AKNA: variants seen among roughly 807,000 people sequenced by gnomAD.
The protein encoded by AKNA is AT-hook transcription factor, also known as microtubule organization protein AKNA.
Under a neutral mutation model 138.8 loss-of-function variants are expected in AKNA, and 67 were observed. The ratio of observed to expected loss-of-function variants is 0.48; its 90% CI spans 0.40 to 0.59. AKNA has a LOEUF of 0.59. Ranked by LOEUF, AKNA falls within the 20% of genes least tolerant of loss-of-function variation. AKNA has a pLI of 0.00. For synonymous variants in AKNA, 737 were observed against 754.4 expected, an observed-to-expected ratio of 0.98 and a Z score of 0.38; for missense variants, 1,813 against 1,880.4, an observed-to-expected ratio of 0.96 and a Z score of 0.66.
chr9:114,332,265 C>T (rs943098398), downstream of AKNA, among the ~76,000 whole-genome samples: 3 of 152,066 alleles, frequency 2.0e-5, no homozygotes, highest in African/African-American at 7.3e-5. Context: ...CAGGCTTTCA[C>T]CCCACCTCCA....
At chr9:114,392,754 A>G (rs938466000), upstream of AKNA, among the ~76,000 whole-genome samples, 3 of 152,186 alleles carry the variant, frequency 2.0e-5, no homozygotes, top group African/African-American at 7.2e-5. Context: ...ACAAAAAGGG[A>G]GAAGCAGTTT....
In AKNA at chr9:114,347,870, C is replaced by T. The variant is rs1220126378; in HGVS notation, c.3252G>A (p.Val1084=). 1.9e-6 allele frequency: 3 copies of T among 1,551,560 alleles called. No homozygotes were observed. Among genetic ancestry groups the T allele is most frequent in the Non-Finnish European group, 2.6e-6 (3 of 1,147,348 alleles). Residue 1084 remains valine, a synonymous_variant, in exon 16 of 22, where the codon GTG becomes GTA. Transcript: ENST00000374088. Reference sequence around the variant, plus strand: ...CTTCCAGCCGCAGACGAAGCCGGGACACCTCTTCTTGCAGCTCACAGATGG... The same window carrying T: ...CTTCCAGCCGCAGACGAAGCCGGGATACCTCTTCTTGCAGCTCACAGATGG... ...DQAICELQEE[V]SRLRLRLEDS... is the part of the protein sequence containing the mutation.
intron 8 of AKNA, among the ~76,000 whole-genome samples, 170 bp from the exon 9 acceptor site, chr9:114,362,081 C>T (rs967410357): frequency 1.3e-5 from 2 of 152,130 alleles, no homozygotes; most frequent in African/African-American, 2.4e-5. Flanking sequence ...AAAGAAGGTT[C>T]CATTGGGAAT....
Position 114,336,821 on chromosome 9 carries a change from C to T in AKNA, c.*233G>A. On this transcript the variant is annotated 3_prime_UTR_variant, in exon 22 of 22. Coordinates refer to ENST00000374088, the MANE Select transcript of AKNA (RefSeq NM_001317950.2). ...GGACCGAAGGAGGCCTCGCTCACAGCACCTCTGTGAGGGGACTGGTGCTCC... is the reference window on the plus strand; with the variant it reads ...GGACCGAAGGAGGCCTCGCTCACAGTACCTCTGTGAGGGGACTGGTGCTCC... 2.2e-6 allele frequency: 1 copy of T among 456,194 alleles called. No homozygotes were observed. 28.3% of individuals were successfully genotyped at this position (456,194 alleles called of 1,614,324 possible).
At position 114,381,413 on chromosome 9, in the gene AKNA, G is replaced by T; in HGVS notation, c.-80C>A. The T allele has an allele frequency of 1.3e-5, 19 of 1,446,518 alleles. No homozygotes were observed. The highest frequency in any genetic ancestry group is 1.5e-5 in the Non-Finnish European group (17 of 1,103,536). 89.6% of individuals were successfully genotyped at this position (1,446,518 alleles called of 1,614,324 possible). ...TGCCAGGGGCCCCAGAGTCACCGCT[G>T]GTTCCTGTCAGCATCGGCCATCCTG... On this transcript the variant is annotated 5_prime_UTR_variant, in exon 2 of 22. Coordinates refer to ENST00000374088, the MANE Select transcript of AKNA (RefSeq NM_001317950.2).
chr9:114,397,870 AG>A (rs1834580769), upstream of AKNA, among the ~76,000 whole-genome samples: 1 of 152,168 alleles, frequency 6.6e-6, no homozygotes, highest in Non-Finnish European at 1.5e-5. Context: ...CGCGACAAAA[AG>A]AGGAAAAGAA....
At chr9:114,346,865 G>A in intron 16 of AKNA, 81 bp from the exon 17 acceptor site, 2 of 1,163,690 alleles carry the variant, frequency 1.7e-6, no homozygotes, top group Non-Finnish European at 2.5e-6. Flanking sequence ...AGTTCAACCT[G>A]GAGAAATGCT....
intron 18 of AKNA, 133 bp from the exon 19 acceptor site, chr9:114,343,936 C>T (rs763759994): frequency 1.6e-5 from 12 of 762,684 alleles, no homozygotes; most frequent in Middle Eastern, 2.4e-4. Flanking sequence ...CGTGTGCACA[C>T]GGTGAGTGTG....
At chr9:114,344,776 TATC>T (rs1830570744) in intron 18 of AKNA, 1 of 158,100 alleles carries the variant, frequency 6.3e-6, no homozygotes, top group South Asian at 1.8e-4. Context: ...CATCCAATGA[TATC>T]ATCTCTTTCC....
intron 4 of AKNA, among the ~76,000 whole-genome samples, chr9:114,369,668 GCATCACCATCAGCATCACCATCAGCAT>G (rs956996518): frequency 4.2e-4 from 54 of 129,570 alleles, no homozygotes; most frequent in African/African-American, 2.5e-3. Flanking sequence ...ACCATCATTA[GCATCACCATCAGCATCACCATCAGCAT>G]CATCACCATC....
chr9:114,358,206 G>A (rs1305605961), intron 11 of AKNA, 39 bp from the exon 12 acceptor site: 5 of 1,611,306 alleles, frequency 3.1e-6, no homozygotes, highest in African/African-American at 1.3e-5. Flanking sequence ...AGTTCTGCCA[G>A]GCAGCCCTGA....
upstream of AKNA, chr9:114,396,943 A>G (rs12340861): frequency 0.21 from 32,333 of 152,068 alleles, 3,649 homozygotes; most frequent in Middle Eastern, 0.3. Context: ...CATGTTGTGC[A>G]CCAATTTCCA....
chr9:114,356,367 G>T (rs1831505322), intron 13 of AKNA, among the ~76,000 whole-genome samples: 1 of 152,178 alleles, frequency 6.6e-6, no homozygotes, highest in Non-Finnish European at 1.5e-5. Flanking sequence ...TTTATGTGTA[G>T]AATACATAAA....
Position 114,335,027 on chromosome 9 carries a change from T to C in AKNA, c.*2027A>G, listed in dbSNP as rs1342372628. On this transcript the variant is annotated 3_prime_UTR_variant, in exon 22 of 22. Coordinates refer to ENST00000374088, the MANE Select transcript of AKNA (RefSeq NM_001317950.2). ...GAAGGCTCAGAACCTACAGGAAGTT[T>C]GTCCATTTCAGTGTTACTTTCAGTG... 1.3e-5 allele frequency: 2 copies of C among 152,252 alleles called. No individual in the cohort carries two copies. Among genetic ancestry groups the C allele is most frequent in the Non-Finnish European group, 2.9e-5 (2 of 68,054 alleles). The allele number at this position is 152,252 out of a possible 1,614,324, so 9.4% of individuals were successfully genotyped here.
Position 114,368,503 on chromosome 9 carries a change from TG to T in AKNA, c.1508del (p.Pro503HisfsTer31). 1 of 1,370,210 alleles carries T rather than the reference TG, an allele frequency of 7.3e-7. No individual in the cohort carries two copies. The allele number at this position is 1,370,210 out of a possible 1,614,324, so 84.9% of individuals were successfully genotyped here. A position where few individuals can be genotyped will look rare whatever the true frequency, so the allele number is the denominator to read the frequency against. ...QGTKVLSFTI[P>X]QPRSAEWWPG... ...GCCACCACTCTGCAGAGCGGGGCTG[TG>T]GGATGGTGAAGGACAAGACCTTGGT... On this transcript the variant is annotated frameshift_variant, in exon 5 of 22. Coordinates refer to ENST00000374088, the MANE Select transcript of AKNA (RefSeq NM_001317950.2). LOFTEE classifies it high-confidence loss of function.
At chr9:114,364,718 G>C in intron 6 of AKNA, 99 bp from the exon 7 acceptor site, 1 of 1,270,292 alleles carries the variant, frequency 7.9e-7, no homozygotes, top group Non-Finnish European at 1.1e-6. Context: ...AGCTGGGTCC[G>C]TCCTCAGGAT....
intron 13 of AKNA, 67 bp downstream of exon 13, chr9:114,356,796 G>T: frequency 7.5e-7 from 1 of 1,336,664 alleles, no homozygotes; most frequent in Non-Finnish European, 1.0e-6. Flanking sequence ...GCCATCACAG[G>T]CACTGTGATT....
upstream of AKNA, among the ~76,000 whole-genome samples, chr9:114,390,934 C>G (rs554680617): frequency 3.9e-5 from 6 of 152,362 alleles, no homozygotes; most frequent in South Asian, 1.2e-3. Context: ...TAACATCTGT[C>G]TCTTCACTCA....
intron 2 of AKNA, among the ~76,000 whole-genome samples, chr9:114,378,416 G>T (rs1449269392): frequency 1.3e-5 from 2 of 152,136 alleles, no homozygotes; most frequent in African/African-American, 4.8e-5. Flanking sequence ...CCATTTATTT[G>T]TGCAGTTGTT....
Sources: gnomAD v4.1 joint callset for allele counts (sites outside exome capture counted in the v4.1 genomes callset) on GRCh38, gnomAD v4.1.1 for gene constraint, MANE v1.5 for transcripts, NCBI Gene and HGNC (gene_info 2026-07-23, HGNC 2026-07-21) for gene names.